The following CHST11 variants were observed in gnomAD, a reference collection of about 807,000 sequenced individuals.
CHST11 encodes the protein C4S-1.
A neutral mutation model predicts 30.4 loss-of-function variants in CHST11; 9 were observed. The observed-to-expected ratio is 0.30, with a 90% CI of 0.18 to 0.52. The LOEUF (loss-of-function observed/expected upper bound fraction) is 0.52, where lower values mean the gene tolerates loss of function less well. Among genes scored for constraint, CHST11 ranks in the 20% least tolerant of loss-of-function variants. CHST11 has a pLI of 0.97. For missense variants in CHST11, 348 were observed against 460.6 expected, an observed-to-expected ratio of 0.76 and a Z score of 2.24; for synonymous variants, 152 against 187.8, an observed-to-expected ratio of 0.81 and a Z score of 1.56.
intron 1 of CHST11, among the ~76,000 whole-genome samples, chr12:104,581,677 G>A (rs1429205289): frequency 2.0e-5 from 3 of 152,298 alleles, no homozygotes; most frequent in Middle Eastern, 6.8e-3. Flanking sequence ...TAACCTGACA[G>A]AGACTTCCCC....
At chr12:104,596,516 C>A (rs951301424) in intron 1 of CHST11, among the ~76,000 whole-genome samples, 1 of 152,102 alleles carries the variant, frequency 6.6e-6, no homozygotes, top group Non-Finnish European at 1.5e-5. Flanking sequence ...TACTGCCTTT[C>A]GAGACAGCAC....
At chr12:104,494,558 A>G (rs2037781119) in intron 1 of CHST11, among the ~76,000 whole-genome samples, 1 of 152,210 alleles carries the variant, frequency 6.6e-6, no homozygotes, top group Non-Finnish European at 1.5e-5. Flanking sequence ...AGTTAACTTC[A>G]CAAAACTTCT....
At chr12:104,524,988 G>A (rs969351505) in intron 1 of CHST11, among the ~76,000 whole-genome samples, 3 of 152,124 alleles carry the variant, frequency 2.0e-5, no homozygotes, top group Admixed American at 2.0e-4. Flanking sequence ...TCGGCATAGT[G>A]TAAGTGCTTG....
chr12:104,728,448 TA>T (rs35256981), intron 2 of CHST11, among the ~76,000 whole-genome samples: 1,749 of 145,168 alleles, frequency 0.012, 34 homozygotes, highest in African/African-American at 0.041. Context: ...AACTCTTCCT[TA>T]AAAAAAAACA....
chr12:104,524,902 G>A (rs1465839363), intron 1 of CHST11, among the ~76,000 whole-genome samples: 1 of 152,168 alleles, frequency 6.6e-6, no homozygotes, highest in Non-Finnish European at 1.5e-5. Context: ...ACAGAGCAAA[G>A]CATGCAACCA....
chr12:104,492,128 G>C (rs1239605226), intron 1 of CHST11, among the ~76,000 whole-genome samples: 1 of 151,904 alleles, frequency 6.6e-6, no homozygotes, highest in Non-Finnish European at 1.5e-5. Context: ...ATGGAGTCTC[G>C]CTCTGTCACC....
chr12:104,673,879 G>T lies in CHST11; in HGVS notation c.204+71888G>T, dbSNP rs183415083. On this transcript the variant is annotated intron_variant, in intron 2 of 2. Coordinates refer to ENST00000303694, the MANE Select transcript of CHST11 (RefSeq NM_018413.6). ...TGACACATGTTCTGCATCAATCCACGTTGGCTGAGCAGTGAGAAGGCAGCA... is the reference window on the plus strand; with the variant it reads ...TGACACATGTTCTGCATCAATCCACTTTGGCTGAGCAGTGAGAAGGCAGCA... Among the ~76,000 whole-genome samples, 136 of 152,300 alleles carry T rather than the reference G, an allele frequency of 8.9e-4. 2 individuals carry two copies. Among genetic ancestry groups the T allele is most frequent in the Non-Finnish European group, 1.0e-3 (70 of 68,014 alleles).
chr12:104,560,274 G>T (rs2038500550), intron 1 of CHST11, among the ~76,000 whole-genome samples: 2 of 152,176 alleles, frequency 1.3e-5, no homozygotes, highest in South Asian at 4.1e-4. Flanking sequence ...ATTGAAAAAA[G>T]ATAAGGCAGT....
intron 2 of CHST11, among the ~76,000 whole-genome samples, chr12:104,664,658 G>A (rs1038622549): frequency 1.1e-4 from 17 of 152,104 alleles, no homozygotes; most frequent in Non-Finnish European, 2.2e-4. Context: ...TCCCCTCCTC[G>A]GACAGAGCAT....
At position 104,571,496 on chromosome 12, in the gene CHST11, C is replaced by T. The variant is rs941247367; in HGVS notation, c.119-30410C>T. On this transcript the variant is annotated intron_variant, in intron 1 of 2. Coordinates refer to ENST00000303694, the MANE Select transcript of CHST11 (RefSeq NM_018413.6). ...ATTATTAAGAACAATGTTGACTGAA[C>T]GCCTCCAGCGTCCCACTTGTCAGTG... Among the ~76,000 whole-genome samples, 12 of 152,182 alleles carry T rather than the reference C, an allele frequency of 7.9e-5. 1 individual carries two copies. The highest frequency in any genetic ancestry group is 2.0e-4 in the Admixed American group (3 of 15,278).
At chr12:104,608,038 T>C (rs530784819) in intron 2 of CHST11, among the ~76,000 whole-genome samples, 4 of 152,202 alleles carry the variant, frequency 2.6e-5, no homozygotes, top group African/African-American at 9.6e-5. Flanking sequence ...TTTTGGGAAA[T>C]GACCAGTGCG....
intron 2 of CHST11, among the ~76,000 whole-genome samples, chr12:104,627,491 G>C (rs140947364): frequency 6.6e-6 from 1 of 152,120 alleles, no homozygotes; most frequent in Non-Finnish European, 1.5e-5. Flanking sequence ...GCAGATCAGC[G>C]CATACTCTCC....
At chr12:104,515,928 A>G (rs191960493) in intron 1 of CHST11, among the ~76,000 whole-genome samples, 39 of 152,326 alleles carry the variant, frequency 2.6e-4, no homozygotes, top group African/African-American at 9.1e-4. Context: ...TTTTGTGTGT[A>G]TTTTAATTTC....
At chr12:104,667,408 C>T (rs866220040) in intron 2 of CHST11, among the ~76,000 whole-genome samples, 15 of 152,274 alleles carry the variant, frequency 9.9e-5, no homozygotes, top group Middle Eastern at 3.4e-3. Flanking sequence ...GATACTGATC[C>T]GGCTCCAGAT....
chr12:104,521,359 G>A (rs1041601331), intron 1 of CHST11, among the ~76,000 whole-genome samples: 3 of 152,170 alleles, frequency 2.0e-5, no homozygotes, highest in South Asian at 4.1e-4. Flanking sequence ...TGTGGTCCGC[G>A]TTTTGGGATT....
intron 1 of CHST11, among the ~76,000 whole-genome samples, chr12:104,568,887 T>G (rs1279397716): frequency 6.6e-6 from 1 of 152,212 alleles, no homozygotes. Context: ...ATTGGAGATC[T>G]TTAAAAATAA....
chr12:104,592,099 C>A (rs73187429), intron 1 of CHST11, among the ~76,000 whole-genome samples: 41,848 of 147,818 alleles, frequency 0.28, 6,099 homozygotes, highest in African/African-American at 0.34. Context: ...CCCCTCCCCT[C>A]CCCTCTTCTC....
intron 1 of CHST11, among the ~76,000 whole-genome samples, chr12:104,525,641 A>C (rs1190923119): frequency 1.3e-5 from 2 of 152,218 alleles, no homozygotes; most frequent in South Asian, 2.1e-4. Flanking sequence ...AGCGAGAGTA[A>C]AGATTTGCAA....
At chr12:104,523,512 T>A (rs1297083020) in intron 1 of CHST11, among the ~76,000 whole-genome samples, 1 of 152,192 alleles carries the variant, frequency 6.6e-6, no homozygotes, top group Non-Finnish European at 1.5e-5. Flanking sequence ...AAACCCCAAA[T>A]CAGGAAATCT....
Sources: allele counts gnomAD v4.1 joint callset (sites outside exome capture counted in the v4.1 genomes callset), GRCh38; gene constraint gnomAD v4.1.1; transcripts MANE v1.5; gene names NCBI Gene and HGNC (gene_info 2026-07-23, HGNC 2026-07-21).